CHRNA3: variants seen among roughly 807,000 people sequenced by gnomAD.
The protein encoded by CHRNA3 is cholinergic receptor nicotinic alpha 3 subunit, also known as neuronal acetylcholine receptor subunit alpha-3.
A neutral mutation model predicts 41.9 loss-of-function variants in CHRNA3; 34 were observed. The ratio of observed to expected loss-of-function variants is 0.81; its 90% confidence interval spans 0.62 to 1.08. The LOEUF is 1.08. CHRNA3 is among the 50% of genes least tolerant of loss of function. The pLI, the probability that CHRNA3 is intolerant of heterozygous loss-of-function variation, is 0.00. For synonymous variants in CHRNA3, 281 were observed against 265.2 expected, an observed-to-expected ratio of 1.06 and a Z score of -0.58; for missense variants, 542 against 638.3, an observed-to-expected ratio of 0.85 and a Z score of 1.63.
At chr15:78,597,412 C>T (rs1000841933) in intron 5 of CHRNA3, among the ~76,000 whole-genome samples, 2 of 149,612 alleles carry the variant, frequency 1.3e-5, no homozygotes, top group African/African-American at 2.5e-5. Context: ...GCCTGGGCAA[C>T]AGAGCGAGAC....
chr15:78,610,937 AAAC>A (rs2053370674), intron 4 of CHRNA3, among the ~76,000 whole-genome samples: 2 of 152,230 alleles, frequency 1.3e-5, no homozygotes, highest in South Asian at 4.1e-4. Flanking sequence ...AGAATACTAC[AAAC>A]AACTCTACGC....
rs1159819277 is a variant in CHRNA3, at chr15:78,596,714, A to C, written c.1408T>G (p.Tyr470Asp). The part of the protein sequence containing the change: ...EAKEIQDDWK[Y>D]VAMVIDRIFL... ...ATACGATCAATCACCATGGCAACATACTTCCAATCATCTTGAATCTGCAAA... is the reference window on the plus strand; with the variant it reads ...ATACGATCAATCACCATGGCAACATCCTTCCAATCATCTTGAATCTGCAAA... The change falls in exon 6 of 6, where the codon TAT becomes GAT. Residue 470 changes from tyrosine to aspartate, a missense_variant. Transcript: ENST00000326828. 6.2e-7 allele frequency: 1 copy of C among 1,609,858 alleles called. No homozygotes were observed. The highest frequency in any genetic ancestry group is 8.5e-7 in the Non-Finnish European group (1 of 1,179,114).
Position 78,601,643 on chromosome 15 carries a change from C to T in CHRNA3, c.999G>A (p.Pro333=), listed in dbSNP as rs138969500. ...VFVLNVHYRT[P]TTHTMPSWVK... is the part of the protein sequence containing the mutation. ...CCCATGAGGGCATTGTGTGTGTCGT[C>T]GGGGTTCTGTAGTGCACGTTGAGCA... Residue 333 remains proline, a synonymous_variant, in exon 5 of 6, where the codon CCG becomes CCA. Coordinates refer to ENST00000326828, the MANE Select transcript of CHRNA3 (RefSeq NM_000743.5). 90 of 1,614,056 alleles carry T rather than the reference C, an allele frequency of 5.6e-5. No individual in the cohort carries two copies. The African/African-American group carries it at 9.5e-4, about 17-fold the overall frequency.
At chr15:78,613,408 A>G (rs1596081503) in intron 4 of CHRNA3, among the ~76,000 whole-genome samples, 1 of 152,122 alleles carries the variant, frequency 6.6e-6, no homozygotes, top group East Asian at 1.9e-4. Flanking sequence ...TGATGAGTTC[A>G]TGTCCTTTGT....
intron 4 of CHRNA3, among the ~76,000 whole-genome samples, chr15:78,613,774 AACCAAAAAAAAC>A (rs2053420341): frequency 1.6e-5 from 1 of 62,266 alleles, no homozygotes; most frequent in African/African-American, 9.7e-5. Context: ...ACAAAAAAAA[AACCAAAAAAAAC>A]CACAAAAAAA....
chr15:78,620,823 G>C lies in CHRNA3; in HGVS notation c.-29C>G. 1 of 1,371,576 alleles carries C rather than the reference G, an allele frequency of 7.3e-7. No individual in the cohort carries two copies. Among genetic ancestry groups the C allele is most frequent in the African/African-American group, 1.5e-5 (1 of 65,352 alleles). The allele number at this position is 1,371,576 out of a possible 1,614,324, so 85.0% of individuals were successfully genotyped here. A position where few individuals can be genotyped will look rare whatever the true frequency, so the allele number is the denominator to read the frequency against. ...TGGTGGCCGGGCTGGCCGCGGACCC[G>C]GACGGTCGGGAGCGGGCGCGGCGGT... On this transcript the variant is annotated 5_prime_UTR_variant, in exon 1 of 6. Coordinates refer to ENST00000326828, the MANE Select transcript of CHRNA3 (RefSeq NM_000743.5).
intron 4 of CHRNA3, among the ~76,000 whole-genome samples, chr15:78,616,117 C>A (rs1321281238): frequency 6.6e-6 from 1 of 150,868 alleles, no homozygotes; most frequent in East Asian, 2.0e-4. Context: ...CTTTGGGAGG[C>A]CAAGGCAGAC....
chr15:78,618,681 T>G lies in CHRNA3; in HGVS notation c.223-20A>C. 6.2e-7 allele frequency: 1 copy of G among 1,613,534 alleles called. No homozygotes were observed. Among genetic ancestry groups the G allele is most frequent in the Non-Finnish European group, 8.5e-7 (1 of 1,179,958 alleles). ...TTCATCCTAGAAAGAGGAATTAAAG[T>G]TGACAGGAGAATTACAAAACAAGAC... On this transcript the variant is annotated intron_variant, in intron 2 of 5. Transcript: ENST00000326828.
chr15:78,602,319 T>G (rs777808253), intron 4 of CHRNA3, 55 bp from the exon 5 acceptor site: 2 of 1,551,650 alleles, frequency 1.3e-6, no homozygotes, highest in Non-Finnish European at 1.7e-6. Context: ...CTTGGTCATA[T>G]TGTGGTCATC....
intron 5 of CHRNA3, among the ~76,000 whole-genome samples, chr15:78,600,875 TAAATAA>T (rs974929062): frequency 3.3e-5 from 5 of 151,838 alleles, no homozygotes; most frequent in African/African-American, 7.3e-5. Flanking sequence ...CTCAAAAAAA[TAAATAA>T]AAATAAAAAT....
In CHRNA3 at chr15:78,619,535, C is replaced by T. The variant is rs189016793; in HGVS notation, c.83-620G>A. Among the ~76,000 whole-genome samples the T allele has an allele frequency of 1.7e-3, 256 of 152,142 alleles. 4 individuals are homozygous for T. The highest frequency in any genetic ancestry group is 0.015 in the Admixed American group (223 of 15,288). On this transcript the variant is annotated intron_variant, in intron 1 of 5. Coordinates refer to ENST00000326828, the MANE Select transcript of CHRNA3 (RefSeq NM_000743.5). ...GCCTCCGGGAGAACACAGCCCAGGT[C>T]TGGGCCTCTCCTGCATTCCACCCTG...
intron 4 of CHRNA3, 52 bp from the exon 5 acceptor site, chr15:78,602,316 A>T: frequency 6.4e-7 from 1 of 1,558,818 alleles, no homozygotes; most frequent in Non-Finnish European, 8.7e-7. Flanking sequence ...ACACTTGGTC[A>T]TATTGTGGTC....
At chr15:78,610,428 A>G (rs1346592934) in intron 4 of CHRNA3, among the ~76,000 whole-genome samples, 1 of 152,156 alleles carries the variant, frequency 6.6e-6, no homozygotes, top group Non-Finnish European at 1.5e-5. Flanking sequence ...AACTCACTCA[A>G]AACCACTCAA....
chr15:78,599,405 A>T (rs1033216582), intron 5 of CHRNA3, among the ~76,000 whole-genome samples: 2 of 152,236 alleles, frequency 1.3e-5, no homozygotes, highest in African/African-American at 2.4e-5. Flanking sequence ...AGACTACTTT[A>T]AAGACCCAGA....
At chr15:78,618,721 G>T (rs7179998) in intron 2 of CHRNA3, 55 bp downstream of exon 2, 17 of 1,613,902 alleles carry the variant, frequency 1.1e-5, no homozygotes, top group South Asian at 1.1e-5. Flanking sequence ...TCTGGGAAAG[G>T]CTCCTCCAGA....
intron 4 of CHRNA3, among the ~76,000 whole-genome samples, chr15:78,604,687 A>G (rs1020934724): frequency 7.2e-5 from 11 of 152,184 alleles, no homozygotes; most frequent in African/African-American, 2.4e-4. Context: ...AAGGGCACTC[A>G]GTAAATATTT....
chr15:78,595,847 G>GAGAT lies in CHRNA3; in HGVS notation c.*753_*756dup, dbSNP rs2053098390. On this transcript the variant is annotated 3_prime_UTR_variant, in exon 6 of 6. Coordinates refer to ENST00000326828, the MANE Select transcript of CHRNA3 (RefSeq NM_000743.5). ...GTGCCCTTATAAAATAGACCCCACA[G>GAGAT]AGATAGCTAGTCCCTTCAGTCATGT... is the stretch of plus-strand genomic sequence containing the variant. 6.5e-6 allele frequency: 1 copy of GAGAT among 154,560 alleles called. No individual in the cohort carries two copies. Among genetic ancestry groups the GAGAT allele is most frequent in the African/African-American group, 2.4e-5 (1 of 41,380 alleles). The allele number at this position is 154,560 out of a possible 1,614,324, so 9.6% of individuals were successfully genotyped here.
chr15:78,593,385 T>G (rs202175642), downstream of CHRNA3: 1 of 820,916 alleles, frequency 1.2e-6, no homozygotes, highest in African/African-American at 1.7e-5. Flanking sequence ...TAACCTCAAT[T>G]TATGTTAACA....
Position 78,596,440 on chromosome 15 carries a change from AT to A in CHRNA3, c.*163del, listed in dbSNP as rs71148543. On this transcript the variant is annotated 3_prime_UTR_variant, in exon 6 of 6. Coordinates refer to ENST00000326828, the MANE Select transcript of CHRNA3 (RefSeq NM_000743.5). ...TTTATCGGTAATAAATACTCTTGACATTTTTTTTTTTGCATGATTCCAAGAT... is the reference window on the plus strand; with the variant it reads ...TTTATCGGTAATAAATACTCTTGACATTTTTTTTTTGCATGATTCCAAGAT... 0.37 allele frequency: 390,288 copies of A among 1,062,088 alleles called. 55,920 individuals carry two copies. The highest frequency in any genetic ancestry group is 0.75 in the East Asian group (19,456 of 25,946). The allele number at this position is 1,062,088 out of a possible 1,614,324, so 65.8% of individuals were successfully genotyped here.
Sources: gnomAD v4.1 joint callset for allele counts (sites outside exome capture counted in the v4.1 genomes callset) on GRCh38, gnomAD v4.1.1 for gene constraint, MANE v1.5 for transcripts, NCBI Gene and HGNC (gene_info 2026-07-23, HGNC 2026-07-21) for gene names.